Variants in DEPTOR observed in about 807,000 individuals in gnomAD.
DEPTOR encodes the protein DEP domain-containing mTOR-interacting protein.
In DEPTOR, 41 loss-of-function variants were observed where a neutral mutation model predicts 41.6. That is an observed-to-expected ratio of 0.98 (90% CI 0.77 to 1.28). The LOEUF is 1.28. DEPTOR is among the 50% of genes most tolerant of loss of function. The pLI, the probability that DEPTOR is intolerant of heterozygous loss-of-function variation, is 0.00. For missense variants in DEPTOR, 514 were observed against 527.9 expected, an observed-to-expected ratio of 0.97 and a Z score of 0.26; for synonymous variants, 195 against 192.3, an observed-to-expected ratio of 1.01 and a Z score of -0.12.
intron 1 of DEPTOR, among the ~76,000 whole-genome samples, chr8:119,907,489 C>T (rs983266566): frequency 6.6e-6 from 1 of 152,118 alleles, no homozygotes. Flanking sequence ...AAGAAATAGA[C>T]ACCATGATTC....
In DEPTOR at chr8:119,925,427, C is replaced by T. The variant is rs147143216; in HGVS notation, c.123-2973C>T. On this transcript the variant is annotated intron_variant, in intron 1 of 8. Coordinates refer to ENST00000286234, the MANE Select transcript of DEPTOR (RefSeq NM_022783.4). ...ACGAAAATAATAAAAACAACAACAA[C>T]GAGAACAACAACAAAAAAAACCCAT... 8.9e-3 allele frequency among the ~76,000 whole-genome samples: 1,345 copies of T among 151,868 alleles called. 12 individuals carry two copies. The highest frequency in any genetic ancestry group is 0.014 in the Non-Finnish European group (979 of 67,930).
intron 4 of DEPTOR, among the ~76,000 whole-genome samples, chr8:119,982,468 G>A (rs1193604725): frequency 6.6e-6 from 1 of 152,188 alleles, no homozygotes; most frequent in Non-Finnish European, 1.5e-5. Context: ...TAGCTGGGTT[G>A]TGTTTAGCAA....
chr8:119,965,227 C>T lies in DEPTOR; in HGVS notation c.426-5C>T, dbSNP rs764356640. ...TACTTTTCTTTTCCCTTTTTTTCTT[C>T]CCAGGCTGATGAGCCCTGAAAACAC... On this transcript the variant is annotated splice_region_variant and splice_polypyrimidine_tract_variant and intron_variant, in intron 3 of 8. Transcript: ENST00000286234. 12 of 1,594,530 alleles carry T rather than the reference C, an allele frequency of 7.5e-6. No homozygotes were observed. Among genetic ancestry groups the T allele is most frequent in the Non-Finnish European group, 1.0e-5 (12 of 1,174,594 alleles).
chr8:120,044,211 C>T (rs1055893494), intron 8 of DEPTOR, among the ~76,000 whole-genome samples: 5 of 151,536 alleles, frequency 3.3e-5, no homozygotes, highest in Middle Eastern at 3.2e-3. Flanking sequence ...TTGCAACCTC[C>T]ACCTCCCAGG....
chr8:119,985,901 T>A (rs1242651324), intron 4 of DEPTOR, among the ~76,000 whole-genome samples: 1 of 142,792 alleles, frequency 7.0e-6, no homozygotes, highest in South Asian at 2.4e-4. Flanking sequence ...TCCATCCCTT[T>A]ATTTTGAGCC....
chr8:119,921,039 C>A (rs958555617), intron 1 of DEPTOR, among the ~76,000 whole-genome samples: 45 of 151,074 alleles, frequency 3.0e-4, no homozygotes, highest in African/African-American at 1.0e-3. Context: ...TGCAGTGGTA[C>A]AATCTCAGCT....
At chr8:119,964,594 G>A (rs1404469188) in intron 3 of DEPTOR, among the ~76,000 whole-genome samples, 1 of 149,966 alleles carries the variant, frequency 6.7e-6, no homozygotes, top group Non-Finnish European at 1.5e-5. Context: ...TCTTAGCACA[G>A]AAGTGAAATA....
chr8:120,047,613 G>A (rs1448561879), intron 8 of DEPTOR, among the ~76,000 whole-genome samples: 1 of 152,040 alleles, frequency 6.6e-6, no homozygotes, highest in African/African-American at 2.4e-5. Flanking sequence ...TCCACCTCAA[G>A]TGATCCACCT....
chr8:120,030,357 G>A (rs532278382), intron 8 of DEPTOR, among the ~76,000 whole-genome samples: 41 of 152,042 alleles, frequency 2.7e-4, no homozygotes, highest in African/African-American at 9.6e-4. Flanking sequence ...TAGGGCAGGG[G>A]CACTACTCTG....
At chr8:119,925,023 A>T (rs1387473947) in intron 1 of DEPTOR, among the ~76,000 whole-genome samples, 1 of 152,242 alleles carries the variant, frequency 6.6e-6, no homozygotes, top group African/African-American at 2.4e-5. Context: ...GGGAAGCCTC[A>T]TAATCATGGC....
chr8:119,875,149 T>C (rs1430639171), intron 1 of DEPTOR, among the ~76,000 whole-genome samples: 2 of 152,208 alleles, frequency 1.3e-5, no homozygotes, highest in African/African-American at 2.4e-5. Flanking sequence ...AAAACTTTTT[T>C]TCCTTCATCA....
chr8:120,016,033 G>T (rs186528226), intron 8 of DEPTOR, among the ~76,000 whole-genome samples: 2 of 152,288 alleles, frequency 1.3e-5, no homozygotes, highest in East Asian at 1.9e-4. Context: ...CATATTAAAG[G>T]TTGCTGGCCT....
intron 8 of DEPTOR, among the ~76,000 whole-genome samples, chr8:120,010,499 C>T (rs1812513853): frequency 6.6e-6 from 1 of 151,730 alleles, no homozygotes; most frequent in Non-Finnish European, 1.5e-5. Context: ...TCCTGTAGTC[C>T]CAGCTGATCA....
At chr8:119,886,203 C>T (rs955576476) in intron 1 of DEPTOR, among the ~76,000 whole-genome samples, 3 of 152,174 alleles carry the variant, frequency 2.0e-5, no homozygotes, top group African/African-American at 7.2e-5. Flanking sequence ...GTAGCTCCTT[C>T]ATGTGCCAGC....
chr8:119,943,207 G>A (rs982827703), intron 3 of DEPTOR, among the ~76,000 whole-genome samples: 6 of 152,170 alleles, frequency 3.9e-5, no homozygotes, highest in Non-Finnish European at 7.3e-5. Context: ...TGGGGTGAGC[G>A]TATTTATTCC....
intron 4 of DEPTOR, 86 bp from the exon 5 acceptor site, chr8:120,001,439 G>A (rs772950116): frequency 2.5e-4 from 309 of 1,218,566 alleles, no homozygotes; most frequent in South Asian, 8.2e-4. Flanking sequence ...GACTTTTGCC[G>A]CTGTTGCCTG....
chr8:119,993,619 G>T (rs982238696), intron 4 of DEPTOR, among the ~76,000 whole-genome samples: 8 of 152,142 alleles, frequency 5.3e-5, no homozygotes, highest in African/African-American at 1.4e-4. Flanking sequence ...TTTATCAAAT[G>T]GTATGTATTA....
At chr8:120,007,059 TGC>T (rs1476537159) in intron 7 of DEPTOR, among the ~76,000 whole-genome samples, 184 bp downstream of exon 7, 2 of 152,252 alleles carry the variant, frequency 1.3e-5, no homozygotes, top group African/African-American at 4.8e-5. Flanking sequence ...GGACTTCACA[TGC>T]GTTATTATTA....
intron 1 of DEPTOR, among the ~76,000 whole-genome samples, chr8:119,915,469 A>G (rs1291911061): frequency 6.6e-6 from 1 of 152,164 alleles, no homozygotes; most frequent in South Asian, 2.1e-4. Flanking sequence ...GCTGTCACAA[A>G]CAGATTCTAG....
Sources: gnomAD v4.1 joint callset for allele counts (sites outside exome capture counted in the v4.1 genomes callset) on GRCh38, gnomAD v4.1.1 for gene constraint, MANE v1.5 for transcripts, NCBI Gene and HGNC (gene_info 2026-07-23, HGNC 2026-07-21) for gene names.